The following IGFBP2 variants were observed in gnomAD, a reference collection of about 807,000 sequenced individuals.
The protein encoded by IGFBP2 is insulin-like growth factor-binding protein 2.
In IGFBP2, 12 loss-of-function variants were observed where a neutral mutation model predicts 26.2. The ratio of observed to expected loss-of-function variants is 0.46; its 90% CI spans 0.29 to 0.74. IGFBP2 has a LOEUF of 0.74. IGFBP2 is among the 30% of genes least tolerant of loss of function. The pLI is 0.09. For synonymous variants in IGFBP2, 189 were observed against 200.6 expected (o/e 0.94, Z 0.49); for missense variants, 328 against 441.2 (o/e 0.74, Z 2.30).
intron 1 of IGFBP2, among the ~76,000 whole-genome samples, chr2:216,640,905 A>T (rs1697600432): frequency 6.6e-6 from 1 of 152,192 alleles, no homozygotes; most frequent in Non-Finnish European, 1.5e-5. Flanking sequence ...AGTAGCCAGC[A>T]TACAGAGGTC....
At chr2:216,640,402 A>C (rs768864974) in intron 1 of IGFBP2, among the ~76,000 whole-genome samples, 11 of 152,140 alleles carry the variant, frequency 7.2e-5, no homozygotes, top group Non-Finnish European at 1.3e-4. Flanking sequence ...ATGATGTTTG[A>C]ATTCATGAGG....
intron 1 of IGFBP2, among the ~76,000 whole-genome samples, chr2:216,637,911 G>A (rs186456040): frequency 8.9e-4 from 136 of 152,334 alleles, no homozygotes; most frequent in African/African-American, 3.0e-3. Flanking sequence ...CCATGGGGCC[G>A]GTCGCATTGG....
At chr2:216,645,983 A>G (rs1461348127) in intron 1 of IGFBP2, among the ~76,000 whole-genome samples, 1 of 152,200 alleles carries the variant, frequency 6.6e-6, no homozygotes, top group Non-Finnish European at 1.5e-5. Context: ...AGCATAGCCA[A>G]GGAAGGTAAT....
chr2:216,653,203 T>G (rs1697859477), intron 1 of IGFBP2, among the ~76,000 whole-genome samples: 1 of 152,162 alleles, frequency 6.6e-6, no homozygotes, highest in African/African-American at 2.4e-5. Flanking sequence ...CTAAGAAAGC[T>G]TTTTAAGGTC....
At chr2:216,639,381 CA>C (rs763786566) in intron 1 of IGFBP2, among the ~76,000 whole-genome samples, 1 of 151,752 alleles carries the variant, frequency 6.6e-6, no homozygotes, top group Non-Finnish European at 1.5e-5. Context: ...AATTCTGCAC[CA>C]AAGGGAATGG....
At chr2:216,650,277 C>T (rs1174760210) in intron 1 of IGFBP2, among the ~76,000 whole-genome samples, 1 of 152,260 alleles carries the variant, frequency 6.6e-6, no homozygotes, top group East Asian at 1.9e-4. Flanking sequence ...GGGTCTAATT[C>T]CCTGAATTTA....
Position 216,641,605 on chromosome 2 carries a change from G to A in IGFBP2, c.442+7640G>A, listed in dbSNP as rs529249202. Among the ~76,000 whole-genome samples, 5 of 151,852 alleles carry A rather than the reference G, an allele frequency of 3.3e-5. No homozygotes were observed. The South Asian group carries it at 6.2e-4, about 19-fold the overall frequency. On this transcript the variant is annotated intron_variant, in intron 1 of 3. Transcript: ENST00000233809. ...ACTGTACTTTAAATGCAATACAAAT[G>A]CAATTGATAAATGCAATATAAATGC...
chr2:216,643,020 AT>A (rs1316735433), intron 1 of IGFBP2, among the ~76,000 whole-genome samples: 5 of 152,298 alleles, frequency 3.3e-5, no homozygotes, highest in Admixed American at 2.6e-4. Flanking sequence ...GTCCTAGCAC[AT>A]TTAGCACATA....
At chr2:216,657,779 G>A (rs1697947169) in intron 1 of IGFBP2, among the ~76,000 whole-genome samples, 1 of 152,196 alleles carries the variant, frequency 6.6e-6, no homozygotes, top group Admixed American at 6.5e-5. Context: ...CTGCCGGGCT[G>A]CTGGAACAAT....
chr2:216,640,848 T>C (rs1697599559), intron 1 of IGFBP2, among the ~76,000 whole-genome samples: 1 of 152,208 alleles, frequency 6.6e-6, no homozygotes, highest in Admixed American at 6.5e-5. Flanking sequence ...TTCCCTTGAC[T>C]CCATGGACAG....
Position 216,649,070 on chromosome 2 carries a change from A to G in IGFBP2, c.443-11487A>G, listed in dbSNP as rs547861746. On this transcript the variant is annotated intron_variant, in intron 1 of 3. Transcript: ENST00000233809. The stretch of plus-strand genomic sequence containing the variant: ...ATCTTTCTTAGCTAAGCAGACTTGC[A>G]TATATGTGATAGATGACTAATATGC... Among the ~76,000 whole-genome samples, 6 of 152,364 alleles carry G rather than the reference A, an allele frequency of 3.9e-5. 2 individuals carry two copies. The highest frequency in any genetic ancestry group is 1.4e-4 in the African/African-American group (6 of 41,590).
chr2:216,643,524 A>G (rs1343946171), intron 1 of IGFBP2, among the ~76,000 whole-genome samples: 2 of 152,174 alleles, frequency 1.3e-5, no homozygotes, highest in East Asian at 3.8e-4. Context: ...GGACAAGGCA[A>G]AGTACTGCCA....
At chr2:216,655,902 CAA>C (rs200162837) in intron 1 of IGFBP2, among the ~76,000 whole-genome samples, 1 of 126,858 alleles carries the variant, frequency 7.9e-6, no homozygotes, top group Admixed American at 7.7e-5. Flanking sequence ...CTCAAAAAAA[CAA>C]AAAAAAAAAA....
At chr2:216,658,783 C>T (rs1179289852) in intron 1 of IGFBP2, among the ~76,000 whole-genome samples, 1 of 151,876 alleles carries the variant, frequency 6.6e-6, no homozygotes. Context: ...AATTCCTGAC[C>T]TCAAGTGATC....
At chr2:216,661,790 G>C in intron 2 of IGFBP2, 68 bp from the exon 3 acceptor site, 2 of 1,586,928 alleles carry the variant, frequency 1.3e-6, no homozygotes, top group Non-Finnish European at 8.6e-7. Context: ...CGCTGAGCTT[G>C]CGTCTGGCGC....
rs1191096035 is a variant in IGFBP2, at chr2:216,634,892, C to CTTTTTTTTTTTTTT, written c.442+928_442+941dup. Among the ~76,000 whole-genome samples the CTTTTTTTTTTTTTT allele has an allele frequency of 4.2e-4, 10 of 23,816 alleles. No individual in the cohort carries two copies. In the East Asian group the frequency reaches 0.016, roughly 38 times the overall value. 15.6% of individuals were successfully genotyped at this position (23,816 alleles called of 152,430 possible). A position where few individuals can be genotyped will look rare whatever the true frequency, so the allele number is the denominator to read the frequency against. On this transcript the variant is annotated intron_variant, in intron 1 of 3. Transcript: ENST00000233809. Reference sequence around the variant, plus strand: ...ACACAACCAGGCTCTAAGGAGGTTACTTTTTTTTTTTTTTAATTACGAAAG... The same window carrying CTTTTTTTTTTTTTT: ...ACACAACCAGGCTCTAAGGAGGTTACTTTTTTTTTTTTTTTTTTTTTTTTTTTTAATTACGAAAG...
Position 216,638,398 on chromosome 2 carries a change from G to A in IGFBP2, c.442+4433G>A, listed in dbSNP as rs574330231. On this transcript the variant is annotated intron_variant, in intron 1 of 3. Transcript: ENST00000233809. The stretch of plus-strand genomic sequence containing the variant: ...CACCTGCCTGTAGTCCCAGCTGCTC[G>A]GGACTCTGAGGTAGGAGAATCGCTT... 4.6e-5 allele frequency among the ~76,000 whole-genome samples: 7 copies of A among 151,980 alleles called. No individual in the cohort carries two copies. In the East Asian group the frequency reaches 7.8e-4, roughly 17 times the overall value.
chr2:216,648,764 A>G (rs1420033957), intron 1 of IGFBP2, among the ~76,000 whole-genome samples: 1 of 152,000 alleles, frequency 6.6e-6, no homozygotes, highest in East Asian at 1.9e-4. Context: ...ATGCACCACC[A>G]TGCCTGGCTA....
chr2:216,649,941 G>A (rs1697787575), intron 1 of IGFBP2, among the ~76,000 whole-genome samples: 1 of 152,202 alleles, frequency 6.6e-6, no homozygotes, highest in South Asian at 2.1e-4. Flanking sequence ...ATCCAAGCAA[G>A]CATATGTGTC....
Sources: allele counts gnomAD v4.1 joint callset (sites outside exome capture counted in the v4.1 genomes callset), GRCh38; gene constraint gnomAD v4.1.1; transcripts MANE v1.5; gene names NCBI Gene and HGNC (gene_info 2026-07-23, HGNC 2026-07-21).